The following VAT1L variants were observed in gnomAD, a reference collection of about 807,000 sequenced individuals.
VAT1L encodes vesicle amine transport 1 like.
In VAT1L, 34 loss-of-function variants were observed where a neutral mutation model predicts 44.1. The ratio of observed to expected loss-of-function variants is 0.77; its 90% CI spans 0.59 to 1.03. The LOEUF (loss-of-function observed/expected upper bound fraction) is 1.03. VAT1L is among the 50% of genes least tolerant of loss of function. The probability of loss-of-function intolerance (pLI) is 0.00; values close to 1 mark genes in which losing one functional copy is unlikely to be tolerated. For missense variants in VAT1L, 615 were observed against 538.8 expected (o/e 1.14, Z -1.40); for synonymous variants, 253 against 202.2 (o/e 1.25, Z -2.13).
intron 7 of VAT1L, among the ~76,000 whole-genome samples, chr16:77,908,401 T>G: frequency 7.2e-6 from 1 of 139,172 alleles, no homozygotes; most frequent in South Asian, 2.4e-4. Context: ...GAGGCAGAGG[T>G]TGCAGTGAGC....
chr16:77,809,035 C>A (rs2016217132), intron 1 of VAT1L, among the ~76,000 whole-genome samples: 2 of 152,292 alleles, frequency 1.3e-5, no homozygotes, highest in South Asian at 2.1e-4. Flanking sequence ...GTCTTTGTAA[C>A]TGGGAAAACT....
chr16:77,904,184 C>CTT (rs59219677), intron 7 of VAT1L, among the ~76,000 whole-genome samples: 14 of 135,398 alleles, frequency 1.0e-4, no homozygotes, highest in Non-Finnish European at 2.1e-4. Context: ...TACTGATTTG[C>CTT]TTTTTTTTTT....
chr16:77,976,395 C>G (rs2018340321), intron 8 of VAT1L, among the ~76,000 whole-genome samples: 1 of 152,134 alleles, frequency 6.6e-6, no homozygotes, highest in Non-Finnish European at 1.5e-5. Context: ...ACTGGATGAA[C>G]TGGGCAGAGG....
At chr16:77,949,859 T>C (rs1404976333) in intron 7 of VAT1L, among the ~76,000 whole-genome samples, 5 of 152,232 alleles carry the variant, frequency 3.3e-5, no homozygotes, top group African/African-American at 7.2e-5. Flanking sequence ...GATTATGACA[T>C]GGCAATGCTT....
At chr16:77,977,219 A>G (rs2018350854) in intron 8 of VAT1L, among the ~76,000 whole-genome samples, 1 of 152,140 alleles carries the variant, frequency 6.6e-6, no homozygotes, top group Non-Finnish European at 1.5e-5. Flanking sequence ...CTCCCTCAGA[A>G]GAGACAGCTC....
chr16:77,953,326 T>C (rs1367078750), intron 7 of VAT1L, among the ~76,000 whole-genome samples: 2 of 152,188 alleles, frequency 1.3e-5, no homozygotes, highest in Non-Finnish European at 2.9e-5. Flanking sequence ...CCTAGGAAAC[T>C]AATATACTAC....
chr16:77,824,965 C>G (rs1002365737), intron 2 of VAT1L, among the ~76,000 whole-genome samples: 3 of 141,582 alleles, frequency 2.1e-5, no homozygotes, highest in Non-Finnish European at 4.5e-5. Context: ...CTCCTGGGTT[C>G]AAGCAGTTCT....
chr16:77,855,752 A>C (rs995104215), intron 3 of VAT1L, among the ~76,000 whole-genome samples: 2 of 152,116 alleles, frequency 1.3e-5, no homozygotes, highest in Non-Finnish European at 2.9e-5. Flanking sequence ...ATAGCACTGT[A>C]GTCACTCCTG....
chr16:77,896,177 G>A (rs1278823871), intron 7 of VAT1L, among the ~76,000 whole-genome samples: 1 of 152,188 alleles, frequency 6.6e-6, no homozygotes, highest in Non-Finnish European at 1.5e-5. Flanking sequence ...CTGAGACTCT[G>A]AGCCTCCCTG....
chr16:77,886,683 G>A (rs908148000), intron 7 of VAT1L, among the ~76,000 whole-genome samples: 5 of 152,202 alleles, frequency 3.3e-5, no homozygotes, highest in African/African-American at 1.2e-4. Flanking sequence ...AGTAGGAGGA[G>A]ATAGAAAATA....
chr16:77,911,549 C>T (rs1451223144), intron 7 of VAT1L, among the ~76,000 whole-genome samples: 1 of 152,212 alleles, frequency 6.6e-6, no homozygotes, highest in Non-Finnish European at 1.5e-5. Flanking sequence ...CTTCAGCATC[C>T]CCTGACCAAA....
At position 77,876,388 on chromosome 16, in the gene VAT1L, G is replaced by A. The variant is rs140441928; in HGVS notation, c.741G>A (p.Val247=). The part of the protein sequence containing the change: ...QEVKRISAEG[V]DIVLDCLCGD... Reference sequence around the variant, plus strand: ...CATTTAGAATCTCTGCTGAAGGTGTGGACATCGTTTTGGATTGCCTCTGTG... The same window carrying A: ...CATTTAGAATCTCTGCTGAAGGTGTAGACATCGTTTTGGATTGCCTCTGTG... Residue 247 remains valine (V), a synonymous_variant, in exon 5 of 9, where the codon GTG becomes GTA. Coordinates refer to ENST00000302536, the MANE Select transcript of VAT1L (RefSeq NM_020927.3). 7.7e-5 allele frequency: 125 copies of A among 1,614,044 alleles called. No homozygotes were observed. The highest frequency in any genetic ancestry group is 1.0e-4 in the Non-Finnish European group (122 of 1,180,024).
chr16:77,928,828 T>C (rs1481691595), intron 7 of VAT1L, among the ~76,000 whole-genome samples: 3 of 152,104 alleles, frequency 2.0e-5, no homozygotes. Context: ...GTTTGTTTGT[T>C]TGTTTTTGAG....
intron 7 of VAT1L, among the ~76,000 whole-genome samples, chr16:77,942,162 G>T (rs542824600): frequency 1.2e-4 from 18 of 152,176 alleles, no homozygotes; most frequent in Non-Finnish European, 1.8e-4. Context: ...ACAGTTCCAT[G>T]TGGCTGGGGA....
intron 3 of VAT1L, among the ~76,000 whole-genome samples, chr16:77,843,128 G>A (rs1354748504): frequency 6.6e-6 from 1 of 152,212 alleles, no homozygotes; most frequent in Non-Finnish European, 1.5e-5. Flanking sequence ...CACAAAGATA[G>A]GTCAGGAAAT....
chr16:77,934,625 T>C (rs971661967), intron 7 of VAT1L, among the ~76,000 whole-genome samples: 2 of 152,172 alleles, frequency 1.3e-5, no homozygotes, highest in African/African-American at 2.4e-5. Context: ...TAATTTGTTA[T>C]AGGAACCATA....
At chr16:77,839,664 T>C (rs2016683309) in intron 3 of VAT1L, among the ~76,000 whole-genome samples, 1 of 149,364 alleles carries the variant, frequency 6.7e-6, no homozygotes, top group African/African-American at 2.5e-5. Context: ...CAGTAAGTGA[T>C]TGGGTGGTAC....
At position 77,881,130 on chromosome 16, in the gene VAT1L, G is replaced by A. The variant is rs182417531; in HGVS notation, c.882+1906G>A. Among the ~76,000 whole-genome samples the A allele has an allele frequency of 4.1e-3, 627 of 152,238 alleles. 1 individual carries two copies. The highest frequency in any genetic ancestry group is 4.3e-3 in the Non-Finnish European group (294 of 68,016). On this transcript the variant is annotated intron_variant, in intron 6 of 8. Transcript: ENST00000302536. ...TATATACCCAGTAATGAGACTGCTGGGTCAAATGGTAGGAACTTTTATTTT... is the reference window on the plus strand; with the variant it reads ...TATATACCCAGTAATGAGACTGCTGAGTCAAATGGTAGGAACTTTTATTTT...
chr16:77,954,762 TTAAA>T (rs1300491231), intron 7 of VAT1L, among the ~76,000 whole-genome samples: 3 of 152,240 alleles, frequency 2.0e-5, no homozygotes, highest in African/African-American at 7.2e-5. Context: ...TCAATATTTG[TTAAA>T]TAAAGCACTT....
Sources: gnomAD v4.1 joint callset for allele counts (sites outside exome capture counted in the v4.1 genomes callset) on GRCh38, gnomAD v4.1.1 for gene constraint, MANE v1.5 for transcripts, NCBI Gene and HGNC (gene_info 2026-07-23, HGNC 2026-07-21) for gene names.